MIOS: variants seen among roughly 807,000 people sequenced by gnomAD.
MIOS encodes the protein meiosis regulator for oocyte development.
MIOS carries 52 observed loss-of-function variants against 96.9 expected under a neutral mutation model. The ratio of observed to expected loss-of-function variants is 0.54; its 90% confidence interval spans 0.43 to 0.68. The LOEUF is 0.68. Among genes scored for constraint, MIOS ranks in the 30% least tolerant of loss-of-function variants. The pLI is 0.00. For missense variants in MIOS, 1,005 were observed against 1,052.8 expected, an observed-to-expected ratio of 0.95 and a Z score of 0.63; for synonymous variants, 397 against 359.5, an observed-to-expected ratio of 1.10 and a Z score of -1.18.
At chr7:7,589,706 G>T in intron 9 of MIOS, 143 bp downstream of exon 9, 1 of 841,172 alleles carries the variant, frequency 1.2e-6, no homozygotes, top group Non-Finnish European at 1.8e-6. Context: ...ATCTACTGAA[G>T]ACTTGTGCCT....
intron 11 of MIOS, among the ~76,000 whole-genome samples, chr7:7,604,227 A>T (rs1175262283): frequency 6.6e-6 from 1 of 152,158 alleles, no homozygotes; most frequent in Non-Finnish European, 1.5e-5. Context: ...AATTTAAAAA[A>T]AAATAAAGTG....
At chr7:7,595,730 A>C (rs1784185236) in intron 10 of MIOS, among the ~76,000 whole-genome samples, 1 of 152,246 alleles carries the variant, frequency 6.6e-6, no homozygotes. Context: ...ATTACATGGT[A>C]GTACATGTTA....
chr7:7,600,029 G>C (rs1220854736), intron 11 of MIOS, among the ~76,000 whole-genome samples: 1 of 152,104 alleles, frequency 6.6e-6, no homozygotes, highest in Non-Finnish European at 1.5e-5. Flanking sequence ...GAGGGTGCTA[G>C]GTGGGAGGAG....
chr7:7,581,638 C>T (rs916268573), intron 5 of MIOS: 3 of 152,180 alleles, frequency 2.0e-5, no homozygotes, highest in African/African-American at 7.2e-5. Context: ...AACTGTGGGA[C>T]TGAGGTAGCC....
At chr7:7,595,956 AT>A (rs1462755700) in intron 10 of MIOS, among the ~76,000 whole-genome samples, 1 of 152,146 alleles carries the variant, frequency 6.6e-6, no homozygotes, top group Non-Finnish European at 1.5e-5. Context: ...ATATTTTGTA[AT>A]GGCCCAGTGT....
chr7:7,585,316 CAGA>C (rs1167102204), intron 6 of MIOS, among the ~76,000 whole-genome samples: 1 of 151,800 alleles, frequency 6.6e-6, no homozygotes, highest in African/African-American at 2.4e-5. Context: ...CTTCCCTGCA[CAGA>C]GTTTGCACAC....
intron 6 of MIOS, among the ~76,000 whole-genome samples, chr7:7,585,429 T>C (rs1783858615): frequency 6.7e-6 from 1 of 148,774 alleles, no homozygotes; most frequent in Non-Finnish European, 1.5e-5. Flanking sequence ...TTTTTTTTTT[T>C]TCAAGAGTAA....
intron 11 of MIOS, among the ~76,000 whole-genome samples, chr7:7,599,541 A>G (rs767961620): frequency 6.6e-6 from 1 of 152,222 alleles, no homozygotes; most frequent in Non-Finnish European, 1.5e-5. Flanking sequence ...TAATATATGA[A>G]GATTGCAGGG....
chr7:7,584,278 A>G (rs1783817522), intron 6 of MIOS, among the ~76,000 whole-genome samples: 1 of 152,110 alleles, frequency 6.6e-6, no homozygotes, highest in Non-Finnish European at 1.5e-5. Context: ...TAAGAGTGCA[A>G]TAGAAAATAG....
In MIOS at chr7:7,589,433, A is replaced by G. The variant is rs759682710; in HGVS notation, c.1913A>G (p.Asn638Ser). ...AATAGATACATCGAAAAGTTGACCA[A>G]TGAAATGAAAGAGGCTGGAAATTTG... Reference protein sequence around the residue: ...QLNRYIEKLTNEMKEAGNLEG... With the variant: ...QLNRYIEKLTSEMKEAGNLEG... Residue 638 changes from asparagine to serine, a missense_variant, in exon 9 of 13, where the codon AAT (asparagine) becomes AGT (serine). This residue lies in a region of MIOS where 865 missense variants were observed against 887.9 expected (regional missense o/e 0.97). Coordinates refer to ENST00000340080, the MANE Select transcript of MIOS (RefSeq NM_019005.4). 11 of 1,613,498 alleles carry G rather than the reference A, an allele frequency of 6.8e-6. No homozygotes were observed. Among genetic ancestry groups the G allele is most frequent in the East Asian group, 2.2e-5 (1 of 44,814 alleles).
At chr7:7,597,038 T>A (rs919792917) in intron 11 of MIOS, among the ~76,000 whole-genome samples, 1 of 151,602 alleles carries the variant, frequency 6.6e-6, no homozygotes, top group Non-Finnish European at 1.5e-5. Flanking sequence ...CTATAAAAAA[T>A]TTTTTTGGCC....
At chr7:7,586,155 CGTGTGTGTGTGT>C (rs10527974) in intron 7 of MIOS, among the ~76,000 whole-genome samples, 6,427 of 149,994 alleles carry the variant, frequency 0.043, 484 homozygotes, top group African/African-American at 0.15. Context: ...CACACATGCA[CGTGTGTGTGTGT>C]GTGTGTGTGT....
rs757874952 is a variant in MIOS, at chr7:7,589,411, A to G, written c.1891A>G (p.Arg631Gly). 3 of 1,613,172 alleles carry G rather than the reference A, an allele frequency of 1.9e-6. No homozygotes were observed. In the Admixed American group the frequency reaches 5.0e-5, roughly 27 times the overall value. Residue 631 changes from arginine (R) to glycine (G), a missense_variant, in exon 9 of 13, where the codon AGA becomes GGA. Around this residue, in one of 3 missense-constraint regions of MIOS, gnomAD observed 865 missense variants for 887.9 expected, o/e 0.97. Transcript: ENST00000340080. ...ATCACTTTAAATTTTCCAGTTAAAT[A>G]GATACATCGAAAAGTTGACCAATGA... is the stretch of plus-strand genomic sequence containing the variant. ...CKFLSDTQLN[R>G]YIEKLTNEMK...
chr7:7,586,827 T>G (rs1307450830), intron 7 of MIOS, among the ~76,000 whole-genome samples: 1 of 152,158 alleles, frequency 6.6e-6, no homozygotes, highest in African/African-American at 2.4e-5. Flanking sequence ...TAAATGTATC[T>G]TGGAGAGATA....
rs570503026 is a variant in MIOS, at chr7:7,573,994, C to T, written c.1295-104C>T. 1.2e-4 allele frequency: 113 copies of T among 981,764 alleles called. No individual in the cohort carries two copies. The African/African-American group carries it at 1.8e-3, about 15-fold the overall frequency. The allele number at this position is 981,764 out of a possible 1,614,324, so 60.8% of individuals were successfully genotyped here. On this transcript the variant is annotated intron_variant, in intron 4 of 12. Coordinates refer to ENST00000340080, the MANE Select transcript of MIOS (RefSeq NM_019005.4). This position sits in a 1 kb window ranked among gnomAD's most constrained non-coding sequence, Gnocchi z 5.0. ...TATCTCTGCAATAGAGTCGAACCAC[C>T]TTATTTACACTGATACTTATTATGA...
At position 7,607,218 on chromosome 7, in the gene MIOS, A is replaced by G. The variant is rs996939401; in HGVS notation, c.*126A>G. The G allele has an allele frequency of 2.6e-5, 17 of 647,986 alleles. No individual in the cohort carries two copies. In the Admixed American group the frequency reaches 4.2e-4, roughly 16 times the overall value. 40.1% of individuals were successfully genotyped at this position (647,986 alleles called of 1,614,324 possible). A position where few individuals can be genotyped will look rare whatever the true frequency, so the allele number is the denominator to read the frequency against. On this transcript the variant is annotated 3_prime_UTR_variant, in exon 13 of 13. Transcript: ENST00000340080. The stretch of plus-strand genomic sequence containing the variant: ...CTGTAATGGGAAAATAAATCATTCT[A>G]TCAGATCAGCAGTTTTGATGTTTGA...
rs756930260 is a variant in MIOS, at chr7:7,583,276, G to C, written c.1552G>C (p.Glu518Gln). ...GCCATTTTTGAACTCCCTTGTACAAGAAGGGGAATGGGAAAGAGCTGCTGC... is the reference window on the plus strand; with the variant it reads ...GCCATTTTTGAACTCCCTTGTACAACAAGGGGAATGGGAAAGAGCTGCTGC... ...VGPFLNSLVQ[E>Q]GEWERAAAVA... Residue 518 changes from glutamate to glutamine, a missense_variant, in exon 6 of 13, where the codon GAA becomes CAA. Around this residue, in one of 3 missense-constraint regions of MIOS, gnomAD observed 865 missense variants for 887.9 expected, o/e 0.97. Transcript: ENST00000340080. 1.9e-6 allele frequency: 3 copies of C among 1,614,144 alleles called. No homozygotes were observed. The highest frequency in any genetic ancestry group is 1.7e-6 in the Non-Finnish European group (2 of 1,180,014).
intron 5 of MIOS, among the ~76,000 whole-genome samples, chr7:7,581,164 A>T: frequency 6.6e-6 from 1 of 151,500 alleles, no homozygotes. Flanking sequence ...TCTACTAAAA[A>T]TACAAAAATT....
Position 7,566,958 on chromosome 7 carries a change from C to T in MIOS, c.-335C>T, listed in dbSNP as rs902904506. ...GGTCGTGGGTCCCAGCCCAGTGGTC[C>T]AGGTCACGGGCCGCACGGCCGCGGC... On this transcript the variant is annotated 5_prime_UTR_variant, in exon 1 of 13. Coordinates refer to ENST00000340080, the MANE Select transcript of MIOS (RefSeq NM_019005.4). 1 of 152,114 alleles carries T rather than the reference C, an allele frequency of 6.6e-6. No individual in the cohort carries two copies. The highest frequency in any genetic ancestry group is 2.4e-5 in the African/African-American group (1 of 41,436). The allele number at this position is 152,114 out of a possible 1,614,324, so 9.4% of individuals were successfully genotyped here. A position where few individuals can be genotyped will look rare whatever the true frequency, so the allele number is the denominator to read the frequency against.
Sources: gnomAD v4.1 joint callset for allele counts (sites outside exome capture counted in the v4.1 genomes callset) on GRCh38, gnomAD v4.1.1 for gene constraint, gnomAD v4.1.1 regional missense constraint, Gnocchi (gnomAD v3.1) non-coding constraint, MANE v1.5 for transcripts, NCBI Gene and HGNC (gene_info 2026-07-23, HGNC 2026-07-21) for gene names.